GLI3: variants seen among roughly 807,000 people sequenced by gnomAD.
GLI3 encodes the protein transcription activator GLI3.
Under a neutral mutation model 100.8 loss-of-function variants are expected in GLI3, and 20 were observed. That is an observed-to-expected ratio of 0.20 (90% confidence interval 0.14 to 0.29). GLI3 has a LOEUF of 0.29. GLI3 is among the 10% of genes least tolerant of loss of function. The probability of loss-of-function intolerance (pLI) is 1.00; values close to 1 mark genes in which losing one functional copy is unlikely to be tolerated. For missense variants in GLI3, 2,040 were observed against 2,128.5 expected (o/e 0.96, Z 0.82); for synonymous variants, 938 against 860.5 (o/e 1.09, Z -1.58).
intron 3 of GLI3, among the ~76,000 whole-genome samples, chr7:42,124,544 A>C (rs1786080003): frequency 6.6e-6 from 1 of 152,190 alleles, no homozygotes; most frequent in Non-Finnish European, 1.5e-5. Context: ...AAGGGATGAA[A>C]AGCGTCCGTG....
chr7:42,171,007 G>A (rs974488650), intron 2 of GLI3, among the ~76,000 whole-genome samples: 3 of 152,006 alleles, frequency 2.0e-5, no homozygotes, highest in African/African-American at 7.3e-5. Flanking sequence ...AAAATTATAG[G>A]GTTCTATAAC....
At chr7:42,108,179 C>T (rs1244675687) in intron 3 of GLI3, among the ~76,000 whole-genome samples, 8 of 152,162 alleles carry the variant, frequency 5.3e-5, no homozygotes. Context: ...GACCTGAATG[C>T]TTGGTGAGTC....
At chr7:42,059,798 C>T (rs1337937627) in intron 4 of GLI3, among the ~76,000 whole-genome samples, 1 of 152,258 alleles carries the variant, frequency 6.6e-6, no homozygotes, top group Non-Finnish European at 1.5e-5. Flanking sequence ...CTCTCCTCTT[C>T]CCCTAAGATA....
chr7:42,096,080 G>C (rs112618685), intron 3 of GLI3, among the ~76,000 whole-genome samples: 20 of 152,278 alleles, frequency 1.3e-4, no homozygotes, highest in African/African-American at 3.9e-4. Flanking sequence ...GCACTGCAGG[G>C]AGCTGACGGG....
intron 3 of GLI3, among the ~76,000 whole-genome samples, chr7:42,132,707 C>T (rs1786322759): frequency 6.6e-6 from 1 of 152,308 alleles, no homozygotes; most frequent in Non-Finnish European, 1.5e-5. Flanking sequence ...CAGTGGATTA[C>T]AGGCTTACAG....
intron 10 of GLI3, among the ~76,000 whole-genome samples, chr7:42,008,610 G>A (rs1788526060): frequency 6.6e-6 from 1 of 152,056 alleles, no homozygotes; most frequent in African/African-American, 2.4e-5. Context: ...CTTCTTATCT[G>A]GTTCTGTCAA....
intron 2 of GLI3, among the ~76,000 whole-genome samples, chr7:42,181,666 T>C (rs1299221159): frequency 6.6e-6 from 1 of 152,138 alleles, no homozygotes; most frequent in Non-Finnish European, 1.5e-5. Flanking sequence ...TTCATATAGT[T>C]TTTAGTATAA....
At chr7:42,199,184 T>C (rs1787989175) in intron 2 of GLI3, among the ~76,000 whole-genome samples, 1 of 152,170 alleles carries the variant, frequency 6.6e-6, no homozygotes, top group Non-Finnish European at 1.5e-5. Context: ...ATGTTAGATG[T>C]GGTTTTAGCT....
intron 3 of GLI3, among the ~76,000 whole-genome samples, chr7:42,082,633 T>C (rs1422415780): frequency 6.6e-6 from 1 of 152,176 alleles, no homozygotes; most frequent in African/African-American, 2.4e-5. Flanking sequence ...AAGCATATTA[T>C]GTGGGGTTAG....
chr7:42,168,778 C>A (rs1051128001), intron 2 of GLI3, among the ~76,000 whole-genome samples: 7 of 151,896 alleles, frequency 4.6e-5, no homozygotes, highest in African/African-American at 1.7e-4. Context: ...ATTAGCCAGG[C>A]ATGGTGGCAC....
chr7:42,201,959 G>A (rs1007318817), intron 2 of GLI3, among the ~76,000 whole-genome samples: 8 of 151,616 alleles, frequency 5.3e-5, no homozygotes, highest in Non-Finnish European at 5.9e-5. Context: ...GCGTGCGCCT[G>A]TAGTCCCAGC....
rs963107403 is a variant in GLI3 at position 42,183,883 on chromosome 7, G to A, written c.125-35415C>T. Among the ~76,000 whole-genome samples, 3 of 152,042 alleles carry A rather than the reference G, an allele frequency of 2.0e-5. No homozygotes were observed. In the South Asian group the frequency reaches 6.2e-4, roughly 32 times the overall value. On this transcript the variant is annotated intron_variant, in intron 2 of 14. Transcript: ENST00000395925. Reference sequence around the variant, plus strand: ...CTCCTCCTGCCCCACATGTTGACCAGGCCACCTTTTCAAAACAATGACCAC... The same window carrying A: ...CTCCTCCTGCCCCACATGTTGACCAAGCCACCTTTTCAAAACAATGACCAC...
Position 42,026,355 on chromosome 7 carries a change from C to A in GLI3, c.1086G>T (p.Gln362His), listed in dbSNP as rs772581621. Reference protein sequence around the residue: ...SAPVSLHMHQQILSRQQSLGS... With the variant: ...SAPVSLHMHQHILSRQQSLGS... ...CTAAGCTCTGTTGTCGGCTTAGGATCTGCTGATGCATGTGGAGAGAGACGG... is the reference window on the plus strand; with the variant it reads ...CTAAGCTCTGTTGTCGGCTTAGGATATGCTGATGCATGTGGAGAGAGACGG... The change falls in exon 8 of 15, where the codon CAG (glutamine) becomes CAT (histidine). Residue 362 changes from glutamine (Q) to histidine (H), a missense_variant. Gln to His is a conservative substitution (Grantham distance 24, BLOSUM62 0). This residue lies in a region of GLI3 where 603 missense variants were observed against 690.9 expected (regional missense o/e 0.87). Transcript: ENST00000395925. 1.2e-6 allele frequency: 2 copies of A among 1,614,178 alleles called. No homozygotes were observed. The highest frequency in any genetic ancestry group is 1.7e-5 in the Admixed American group (1 of 60,028).
At chr7:42,118,154 G>A in intron 3 of GLI3, 3 of 391,518 alleles carry the variant, frequency 7.7e-6, no homozygotes, top group Non-Finnish European at 9.0e-6. Flanking sequence ...CCCCTTTAAA[G>A]CTTAATCATC....
At chr7:42,142,390 T>A (rs1341200762) in intron 3 of GLI3, among the ~76,000 whole-genome samples, 1 of 152,132 alleles carries the variant, frequency 6.6e-6, no homozygotes, top group African/African-American at 2.4e-5. Flanking sequence ...GCTAAGTGAT[T>A]TTCTCTAGAA....
At chr7:42,044,298 A>G (rs1784201272) in intron 6 of GLI3, among the ~76,000 whole-genome samples, 1 of 152,244 alleles carries the variant, frequency 6.6e-6, no homozygotes, top group Admixed American at 6.5e-5. Flanking sequence ...CTGTTGTCCT[A>G]TTCAAAGGTA....
intron 3 of GLI3, among the ~76,000 whole-genome samples, chr7:42,103,441 A>T (rs1398237929): frequency 6.8e-6 from 1 of 147,338 alleles, no homozygotes; most frequent in Non-Finnish European, 1.5e-5. Context: ...CAGTGACATG[A>T]TTCAAAGATC....
At chr7:42,068,798 G>A (rs756662190) in intron 4 of GLI3, among the ~76,000 whole-genome samples, 3 of 152,092 alleles carry the variant, frequency 2.0e-5, no homozygotes, top group Middle Eastern at 6.8e-3. Context: ...AGGGAGAGAC[G>A]GCCACATAGG....
chr7:42,237,635 C>A, upstream of GLI3: 1 of 152,878 alleles, frequency 6.5e-6, no homozygotes, highest in Non-Finnish European at 1.5e-5. Context: ...TCTCCTCGCT[C>A]CCTCGCACTC....
Sources: allele counts gnomAD v4.1 joint callset (sites outside exome capture counted in the v4.1 genomes callset), GRCh38; gene constraint gnomAD v4.1.1; regional missense constraint gnomAD v4.1.1; transcripts MANE v1.5; gene names NCBI Gene and HGNC (gene_info 2026-07-23, HGNC 2026-07-21).